NUMA1: variants seen among roughly 807,000 people sequenced by gnomAD.
The protein encoded by NUMA1 is nuclear mitotic apparatus protein 1.
Under a neutral mutation model 237.1 loss-of-function variants are expected in NUMA1, and 62 were observed. That is an observed-to-expected ratio of 0.26 (90% CI 0.21 to 0.32). The LOEUF is 0.32. Ranked by LOEUF, NUMA1 falls within the 10% of genes least tolerant of loss-of-function variation. NUMA1 has a pLI of 1.00. For synonymous variants in NUMA1, 1,028 were observed against 1,066.1 expected (o/e 0.96, Z 0.70); for missense variants, 2,533 against 2,666.5 (o/e 0.95, Z 1.10).
chr11:72,033,203 G>A (rs1463309008), intron 3 of NUMA1, among the ~76,000 whole-genome samples: 1 of 152,044 alleles, frequency 6.6e-6, no homozygotes, highest in Admixed American at 6.6e-5. Context: ...AGGTTGGAGT[G>A]CAGCAGCTAT....
chr11:72,014,867 G>A lies in NUMA1; in HGVS notation c.2636C>T (p.Ala879Val). 1.2e-6 allele frequency: 2 copies of A among 1,614,226 alleles called. No individual in the cohort carries two copies. Among genetic ancestry groups the A allele is most frequent in the Non-Finnish European group, 1.7e-6 (2 of 1,180,042 alleles). ...RQQNELAELH[A>V]NLARALQQVQ... ...CTGCTGGAGTGCTCTGGCCAGGTTG[G>A]CATGGAGCTCAGCTAGTTCGTTCTG... is the stretch of plus-strand genomic sequence containing the variant. Residue 879 changes from alanine to valine, a missense_variant, in exon 15 of 27, where the codon GCC becomes GTC. Transcript: ENST00000393695. This position sits in a 1 kb window ranked among gnomAD's most constrained non-coding sequence, Gnocchi z 4.6.
chr11:72,031,988 A>G lies in NUMA1; in HGVS notation c.43-2698T>C, dbSNP rs1265169774. ...CCAAAAAATTAAAAAAAAAAAAAAA[A>G]AGAGAGAGAAAGGAAAAATAGCCCA... is the stretch of plus-strand genomic sequence containing the variant. On this transcript the variant is annotated intron_variant, in intron 3 of 26. Coordinates refer to ENST00000393695, the MANE Select transcript of NUMA1 (RefSeq NM_006185.4). Among the ~76,000 whole-genome samples, 44 of 34,514 alleles carry G rather than the reference A, an allele frequency of 1.3e-3. 1 individual carries two copies. In the East Asian group the frequency reaches 0.017, roughly 13 times the overall value. 22.6% of individuals were successfully genotyped at this position (34,514 alleles called of 152,430 possible). A position where few individuals can be genotyped will look rare whatever the true frequency, so the allele number is the denominator to read the frequency against.
At position 72,063,608 on chromosome 11, in the gene NUMA1, C is replaced by CAAAAAAAAAAAAAAA; in HGVS notation, c.-33+6219_-33+6233dup. 3.3e-5 allele frequency among the ~76,000 whole-genome samples: 2 copies of CAAAAAAAAAAAAAAA among 61,134 alleles called. 1 individual carries two copies. The highest frequency in any genetic ancestry group is 6.6e-5 in the Non-Finnish European group (2 of 30,098). The allele number at this position is 61,134 out of a possible 152,430, so 40.1% of individuals were successfully genotyped here. A position where few individuals can be genotyped will look rare whatever the true frequency, so the allele number is the denominator to read the frequency against. ...TTGTTACATACATCTTACCAAAACT[C>CAAAAAAAAAAAAAAA]AAAAAAAAAAAAAAAAAAAAAAAGC... is the stretch of plus-strand genomic sequence containing the variant. On this transcript the variant is annotated intron_variant, in intron 2 of 26. Coordinates refer to ENST00000393695, the MANE Select transcript of NUMA1 (RefSeq NM_006185.4).
chr11:72,080,362 C>T (rs773406745), intron 1 of NUMA1, 96 bp downstream of exon 1: 1 of 150,964 alleles, frequency 6.6e-6, no homozygotes, highest in Non-Finnish European at 1.5e-5. Context: ...TGGAGGAGGC[C>T]TTCCGCTCGC....
rs781751359 is a variant in NUMA1 at position 72,013,258 on chromosome 11, C to T, written c.4245G>A (p.Lys1415=). ...ELGELIPLRQ[K]VAEQERTAQQ... ...GAGCTGTTCGCTCCTGCTCTGCCAC[C>T]TTCTGCCGCAGAGGAATCAGCTCCC... Residue 1415 remains lysine (K), a synonymous_variant, in exon 15 of 27, where the codon AAG becomes AAA. Transcript: ENST00000393695. This position sits in a 1 kb window ranked among gnomAD's most constrained non-coding sequence, Gnocchi z 6.8. 3 of 1,605,212 alleles carry T rather than the reference C, an allele frequency of 1.9e-6. No individual in the cohort carries two copies. The highest frequency in any genetic ancestry group is 2.7e-5 in the African/African-American group (2 of 74,948).
At chr11:72,040,573 C>A (rs375088695) in intron 2 of NUMA1, 2 of 153,468 alleles carry the variant, frequency 1.3e-5, no homozygotes, top group Admixed American at 1.3e-4. Flanking sequence ...ACAAAATGAA[C>A]CTTTTTTCAC....
chr11:72,024,095 C>A (rs1050271270), intron 5 of NUMA1, 179 bp downstream of exon 5: 5 of 585,868 alleles, frequency 8.5e-6, no homozygotes, highest in Non-Finnish European at 9.1e-6. Context: ...CTTACACCAA[C>A]TGATGAAGGC....
At chr11:72,004,147 G>A in intron 25 of NUMA1, 48 bp from the exon 26 acceptor site, 1 of 1,610,530 alleles carries the variant, frequency 6.2e-7, no homozygotes, top group Non-Finnish European at 8.5e-7. Context: ...TGCCTTCCCA[G>A]GCCAGCGTGC....
chr11:72,058,799 A>G (rs1394472935), intron 2 of NUMA1, among the ~76,000 whole-genome samples: 1 of 152,154 alleles, frequency 6.6e-6, no homozygotes, highest in Non-Finnish European at 1.5e-5. Context: ...AGTCACTTGC[A>G]CATGCTATCC....
Position 72,003,933 on chromosome 11 carries a change from G to A in NUMA1, c.6290C>T (p.Ala2097Val). Residue 2097 changes from alanine (A) to valine (V), a missense_variant, in exon 26 of 27, where the codon GCC becomes GTC. Around this residue, in one of 3 missense-constraint regions of NUMA1, gnomAD observed 795 missense variants for 750.8 expected, o/e 1.06. Transcript: ENST00000393695. ...GGCACCAATGGCGGCAGCAGTGGCG[G>A]CGCTGGCTGTGGTGGTGGCAATGCG... ...SPRIATTTAS[A>V]ATAAAIGATP... is the part of the protein sequence containing the mutation. The A allele has an allele frequency of 1.2e-6, 2 of 1,613,372 alleles. No individual in the cohort carries two copies. Among genetic ancestry groups the A allele is most frequent in the Non-Finnish European group, 8.5e-7 (1 of 1,179,752 alleles).
At position 72,015,853 on chromosome 11, in the gene NUMA1, G is replaced by A. The variant is rs1263278598; in HGVS notation, c.1650C>T (p.Arg550=). The change falls in exon 15 of 27, where the codon CGC becomes CGT. Residue 550 remains arginine, a synonymous_variant. Transcript: ENST00000393695. The surrounding 1 kb of genome is among the most constrained non-coding windows in gnomAD (Gnocchi z 4.0). The stretch of plus-strand genomic sequence containing the variant: ...TACTGCTTAGCTGCTCCACCTGGTG[G>A]CGGAGGCCCTGGGAGGCCTGTTCTT... ...QQQEQASQGL[R]HQVEQLSSSL... 2 of 1,614,186 alleles carry A rather than the reference G, an allele frequency of 1.2e-6. No homozygotes were observed. Among genetic ancestry groups the A allele is most frequent in the Non-Finnish European group, 1.7e-6 (2 of 1,180,052 alleles).
chr11:72,042,940 C>T (rs962366663), intron 2 of NUMA1, among the ~76,000 whole-genome samples: 18 of 151,636 alleles, frequency 1.2e-4, no homozygotes, highest in Non-Finnish European at 1.0e-4. Flanking sequence ...ATAGGGAGAT[C>T]CCATCTCTAC....
chr11:72,056,551 A>T (rs1246730475), intron 2 of NUMA1, among the ~76,000 whole-genome samples: 1 of 144,460 alleles, frequency 6.9e-6, no homozygotes, highest in Non-Finnish European at 1.5e-5. Context: ...TGAACTCCTC[A>T]CCTTGTGATC....
chr11:72,006,361 A>G, intron 21 of NUMA1, 98 bp from the exon 22 acceptor site: 5 of 989,176 alleles, frequency 5.1e-6, no homozygotes, highest in South Asian at 3.2e-5. Context: ...CGGCACATCC[A>G]TGTATTCCCA....
chr11:72,018,866 C>T lies in NUMA1; in HGVS notation c.699G>A (p.Leu233=), dbSNP rs1440167293. 6 of 1,613,508 alleles carry T rather than the reference C, an allele frequency of 3.7e-6. No homozygotes were observed. Among genetic ancestry groups the T allele is most frequent in the Non-Finnish European group, 4.2e-6 (5 of 1,179,994 alleles). ...LADERSNRDE[L]ELELAENRKL... is the part of the protein sequence containing the mutation. ...TGCGGTTCTCAGCTAGCTCCAGCTC[C>T]AGCTCATCCCTATTACTTCTCTCAT... The change falls in exon 10 of 27, where the codon CTG becomes CTA. Residue 233 remains leucine, a synonymous_variant. Coordinates refer to ENST00000393695, the MANE Select transcript of NUMA1 (RefSeq NM_006185.4).
Position 72,048,833 on chromosome 11 carries a change from T to C in NUMA1, c.-32-12858A>G, listed in dbSNP as rs545303643. On this transcript the variant is annotated intron_variant, in intron 2 of 26. Coordinates refer to ENST00000393695, the MANE Select transcript of NUMA1 (RefSeq NM_006185.4). ...GAAAAGTCTTGTACTAGGAGGGATG[T>C]TGGCAGTGTCTCAAGGGTTAGAGGG... 1.6e-4 allele frequency among the ~76,000 whole-genome samples: 25 copies of C among 152,220 alleles called. No individual in the cohort carries two copies. The South Asian group carries it at 1.9e-3, about 11-fold the overall frequency.
rs1373043639 is a variant in NUMA1 at position 72,015,092 on chromosome 11, T to C, written c.2411A>G (p.Glu804Gly). 2 of 1,613,914 alleles carry C rather than the reference T, an allele frequency of 1.2e-6. No individual in the cohort carries two copies. Among genetic ancestry groups the C allele is most frequent in the East Asian group, 4.5e-5 (2 of 44,888 alleles). Reference protein sequence around the residue: ...AAQHTAESECEQLVKEVAAWR... With the variant: ...AAQHTAESECGQLVKEVAAWR... ...GGCAGCTACTTCTTTGACGAGCTGC[T>C]CACACTCACTCTCAGCTGTGTGCTG... Residue 804 changes from glutamate to glycine, a missense_variant, in exon 15 of 27, where the codon GAG becomes GGG. Physicochemically the swap from Glu to Gly is moderately conservative, Grantham distance 98 (BLOSUM62 -2). Coordinates refer to ENST00000393695, the MANE Select transcript of NUMA1 (RefSeq NM_006185.4). The surrounding 1 kb of genome is among the most constrained non-coding windows in gnomAD (Gnocchi z 4.0).
chr11:72,004,341 A>G lies in NUMA1; in HGVS notation c.6007T>C (p.Ser2003Pro). The change falls in exon 25 of 27, where the codon TCT becomes CCT. Residue 2003 changes from serine (S) to proline (P), a missense_variant and splice_region_variant. Ser to Pro is a moderately conservative substitution (Grantham distance 74). Coordinates refer to ENST00000393695, the MANE Select transcript of NUMA1 (RefSeq NM_006185.4). ...EPHQGPGTPE[S>P]KKATSCFPRP... The stretch of plus-strand genomic sequence containing the variant: ...GGGAAACAGCTGGTGGCCTTCTTAG[A>G]CTATGGAGAAGAGGACAGTTAGGCA... 2.5e-6 allele frequency: 4 copies of G among 1,611,156 alleles called. No individual in the cohort carries two copies. The South Asian group carries it at 4.4e-5, about 18-fold the overall frequency.
intron 2 of NUMA1, among the ~76,000 whole-genome samples, chr11:72,057,756 A>AAAAAAAC (rs1942737556): frequency 6.6e-6 from 1 of 150,744 alleles, no homozygotes; most frequent in Non-Finnish European, 1.5e-5. Flanking sequence ...AAAAAAACAA[A>AAAAAAAC]AAAAAACAAA....
Sources: allele counts gnomAD v4.1 joint callset (sites outside exome capture counted in the v4.1 genomes callset), GRCh38; gene constraint gnomAD v4.1.1; regional missense constraint gnomAD v4.1.1; non-coding constraint Gnocchi (gnomAD v3.1); transcripts MANE v1.5; gene names NCBI Gene and HGNC (gene_info 2026-07-23, HGNC 2026-07-21).